TMEM65: variants seen among roughly 807,000 people sequenced by gnomAD.
TMEM65 encodes the protein transmembrane protein 65.
TMEM65 carries 22 observed loss-of-function variants against 25.4 expected under a neutral mutation model. That is an observed-to-expected ratio of 0.86 (90% CI 0.62 to 1.23). The LOEUF (loss-of-function observed/expected upper bound fraction) is 1.23, where lower values mean the gene tolerates loss of function less well. TMEM65 is among the 50% of genes most tolerant of loss of function. The pLI is 0.00. For missense variants in TMEM65, 262 were observed against 308.2 expected (o/e 0.85, Z 1.12); for synonymous variants, 132 against 126.2 (o/e 1.05, Z -0.31).
intron 1 of TMEM65, among the ~76,000 whole-genome samples, chr8:124,348,556 A>C (rs1237242682): frequency 6.6e-6 from 1 of 152,214 alleles, no homozygotes; most frequent in Non-Finnish European, 1.5e-5. Flanking sequence ...AGTTTAAAAA[A>C]TCATATAGCT....
intron 1 of TMEM65, among the ~76,000 whole-genome samples, chr8:124,337,282 A>G (rs1394415874): frequency 6.6e-6 from 1 of 152,022 alleles, no homozygotes; most frequent in Non-Finnish European, 1.5e-5. Context: ...CAACTCATTT[A>G]ATGAGGACAG....
chr8:124,343,825 C>T (rs1814611972), intron 1 of TMEM65, among the ~76,000 whole-genome samples: 1 of 152,094 alleles, frequency 6.6e-6, no homozygotes. Flanking sequence ...ATTTCATAAC[C>T]AACATCTTCT....
At chr8:124,328,551 A>C (rs1248087476) in intron 2 of TMEM65, among the ~76,000 whole-genome samples, 1 of 152,194 alleles carries the variant, frequency 6.6e-6, no homozygotes, top group Non-Finnish European at 1.5e-5. Flanking sequence ...GTTGAAGACC[A>C]CTAACCTGGA....
intron 1 of TMEM65, among the ~76,000 whole-genome samples, chr8:124,336,985 G>A (rs1353701340): frequency 6.6e-6 from 1 of 151,670 alleles, no homozygotes; most frequent in Non-Finnish European, 1.5e-5. Context: ...AGAGTATTAT[G>A]AAAAACGTTA....
chr8:124,344,165 C>T (rs992128537), intron 1 of TMEM65, among the ~76,000 whole-genome samples: 11 of 152,090 alleles, frequency 7.2e-5, no homozygotes, highest in Non-Finnish European at 1.3e-4. Context: ...GTGGGTAACT[C>T]CATGTATCAA....
chr8:124,348,138 G>A (rs919277741), intron 1 of TMEM65, among the ~76,000 whole-genome samples: 5 of 151,928 alleles, frequency 3.3e-5, no homozygotes, highest in African/African-American at 1.2e-4. Flanking sequence ...GTAGAGATAG[G>A]GTTTCTCCAT....
At chr8:124,323,082 C>T (rs945643981) in intron 4 of TMEM65, among the ~76,000 whole-genome samples, 6 of 152,018 alleles carry the variant, frequency 3.9e-5, no homozygotes, top group African/African-American at 1.4e-4. Flanking sequence ...AAAATCTTGT[C>T]TTAACGAAAT....
intron 1 of TMEM65, among the ~76,000 whole-genome samples, chr8:124,362,943 T>G (rs1814891179): frequency 6.6e-6 from 1 of 152,186 alleles, no homozygotes; most frequent in Non-Finnish European, 1.5e-5. Flanking sequence ...TTTCTGATTG[T>G]GTGGAAAATA....
intron 1 of TMEM65, among the ~76,000 whole-genome samples, chr8:124,364,462 T>G (rs1814912952): frequency 6.6e-6 from 1 of 152,174 alleles, no homozygotes. Context: ...CTGGAGGCAT[T>G]TGGTGTAATG....
chr8:124,327,290 T>G (rs1814375899), intron 3 of TMEM65, 64 bp downstream of exon 3: 2 of 1,101,756 alleles, frequency 1.8e-6, no homozygotes, highest in East Asian at 5.2e-5. Context: ...GAAAAATTAT[T>G]AGGAAAATGT....
intron 1 of TMEM65, among the ~76,000 whole-genome samples, chr8:124,338,169 T>C (rs2131210134): frequency 6.6e-6 from 1 of 152,082 alleles, no homozygotes; most frequent in East Asian, 1.9e-4. Flanking sequence ...CATTAAATAA[T>C]GAATATTTCC....
rs1033219498 is a variant in TMEM65, at chr8:124,312,228, C to A, written c.*1732G>T. The A allele has an allele frequency of 6.6e-6, 1 of 151,508 alleles. No individual in the cohort carries two copies. Among genetic ancestry groups the A allele is most frequent in the East Asian group, 1.9e-4 (1 of 5,148 alleles). The allele number at this position is 151,508 out of a possible 1,614,324, so 9.4% of individuals were successfully genotyped here. ...TGGTTATTATATGGAAGATACAAAC[C>A]GAAATTCTATTTAAGATCTCAAGTT... is the stretch of plus-strand genomic sequence containing the variant. On this transcript the variant is annotated 3_prime_UTR_variant, in exon 7 of 7. Coordinates refer to ENST00000297632, the MANE Select transcript of TMEM65 (RefSeq NM_194291.3).
At chr8:124,332,525 G>GA (rs933265913) in intron 1 of TMEM65, among the ~76,000 whole-genome samples, 4 of 151,804 alleles carry the variant, frequency 2.6e-5, no homozygotes, top group South Asian at 4.1e-4. Flanking sequence ...TAGTAATAAA[G>GA]AAAAAAATCA....
intron 1 of TMEM65, among the ~76,000 whole-genome samples, chr8:124,358,464 T>C (rs1450743688): frequency 2.0e-5 from 3 of 152,194 alleles, no homozygotes; most frequent in Admixed American, 6.5e-5. Context: ...TTCTAACAAA[T>C]AGCCGAGTCT....
intron 1 of TMEM65, among the ~76,000 whole-genome samples, chr8:124,353,625 C>CTGA (rs1381060278): frequency 6.6e-6 from 1 of 151,948 alleles, no homozygotes; most frequent in Admixed American, 6.6e-5. Flanking sequence ...GTATAAATGG[C>CTGA]TGATTCTAAG....
At chr8:124,369,837 C>G (rs1814989180) in intron 1 of TMEM65, among the ~76,000 whole-genome samples, 1 of 152,126 alleles carries the variant, frequency 6.6e-6, no homozygotes, top group African/African-American at 2.4e-5. Flanking sequence ...ACTAACAAAG[C>G]AGCAGCATCT....
intron 5 of TMEM65, 113 bp from the exon 6 acceptor site, chr8:124,320,304 A>T: frequency 1.5e-6 from 1 of 657,582 alleles, no homozygotes; most frequent in Non-Finnish European, 2.5e-6. Flanking sequence ...TTAAAAAGAC[A>T]TGCAAATGTC....
intron 1 of TMEM65, among the ~76,000 whole-genome samples, chr8:124,344,072 C>T (rs962786296): frequency 2.6e-5 from 4 of 152,292 alleles, no homozygotes; most frequent in Admixed American, 6.5e-5. Flanking sequence ...CTCTAATGTA[C>T]AAAGCATTTC....
chr8:124,335,189 T>C (rs1814490278), intron 1 of TMEM65, among the ~76,000 whole-genome samples: 1 of 152,104 alleles, frequency 6.6e-6, no homozygotes, highest in Non-Finnish European at 1.5e-5. Context: ...TAAATACATA[T>C]TAAACACACA....
Sources: allele counts gnomAD v4.1 joint callset (sites outside exome capture counted in the v4.1 genomes callset), GRCh38; gene constraint gnomAD v4.1.1; transcripts MANE v1.5; gene names NCBI Gene and HGNC (gene_info 2026-07-23, HGNC 2026-07-21).